The following MLLT10 variants were observed in gnomAD, a reference collection of about 807,000 sequenced individuals.
MLLT10 encodes MLLT10 histone lysine methyltransferase DOT1L cofactor, also known as protein AF-10.
A neutral mutation model predicts 129.1 loss-of-function variants in MLLT10; 30 were observed. The ratio of observed to expected loss-of-function variants is 0.23; its 90% CI spans 0.17 to 0.32. MLLT10 has a LOEUF of 0.32. Ranked by LOEUF, MLLT10 falls within the 10% of genes least tolerant of loss-of-function variation. MLLT10 has a pLI of 1.00. For missense variants in MLLT10, 1,119 were observed against 1,268.3 expected (o/e 0.88, Z 1.79); for synonymous variants, 490 against 446.4 (o/e 1.10, Z -1.23).
intron 9 of MLLT10, among the ~76,000 whole-genome samples, chr10:21,660,131 T>C (rs184654033): frequency 6.6e-6 from 1 of 151,976 alleles, no homozygotes; most frequent in African/African-American, 2.4e-5. Context: ...GCCCATCTAA[T>C]TTTTTCTTAT....
chr10:21,736,648 ATGGT>A (rs2058389927), intron 21 of MLLT10, among the ~76,000 whole-genome samples: 1 of 152,228 alleles, frequency 6.6e-6, no homozygotes, highest in Non-Finnish European at 1.5e-5. Flanking sequence ...AGAATTCTGA[ATGGT>A]TGGTTAGTGA....
intron 8 of MLLT10, among the ~76,000 whole-genome samples, chr10:21,633,167 A>G (rs931834863): frequency 2.6e-5 from 4 of 152,194 alleles, no homozygotes; most frequent in African/African-American, 9.7e-5. Flanking sequence ...ATCTGCATCA[A>G]GTTGATTTTA....
chr10:21,624,781 C>G, intron 8 of MLLT10: 2 of 1,090,684 alleles, frequency 1.8e-6, no homozygotes, highest in African/African-American at 1.6e-5. Flanking sequence ...TCTCTTGCGT[C>G]CTACATTGTC....
Position 21,697,554 on chromosome 10 carries a change from T to C in MLLT10, c.1699+15297T>C, listed in dbSNP as rs1022659776. Among the ~76,000 whole-genome samples the C allele has an allele frequency of 2.0e-5, 3 of 152,346 alleles. No homozygotes were observed. In the East Asian group the frequency reaches 5.8e-4, roughly 29 times the overall value. On this transcript the variant is annotated intron_variant, in intron 13 of 22. Coordinates refer to ENST00000307729, the MANE Select transcript of MLLT10 (RefSeq NM_001195626.3). ...TTAAAAATGATTGTGTTCAATTGTA[T>C]AGATCATGTCAAAAGAAGCAATACA...
chr10:21,544,768 G>C (rs2035803119), intron 3 of MLLT10, among the ~76,000 whole-genome samples: 1 of 152,140 alleles, frequency 6.6e-6, no homozygotes, highest in African/African-American at 2.4e-5. Flanking sequence ...ATAAATATTA[G>C]AGCAGTTGTA....
intron 8 of MLLT10, among the ~76,000 whole-genome samples, chr10:21,646,107 T>C (rs774341600): frequency 1.3e-5 from 2 of 152,128 alleles, no homozygotes; most frequent in Non-Finnish European, 2.9e-5. Flanking sequence ...TGGATGGCTG[T>C]AGGCATGATA....
At chr10:21,730,344 TTTC>T (rs1458981612) in intron 16 of MLLT10, among the ~76,000 whole-genome samples, 2 of 152,072 alleles carry the variant, frequency 1.3e-5, no homozygotes, top group Non-Finnish European at 2.9e-5. Flanking sequence ...TTTGATCTTA[TTTC>T]TTAATTGTGA....
intron 8 of MLLT10, among the ~76,000 whole-genome samples, chr10:21,619,537 T>C (rs2045599886): frequency 6.6e-6 from 1 of 152,226 alleles, no homozygotes; most frequent in Non-Finnish European, 1.5e-5. Context: ...TAAGAATTTT[T>C]TGTGGTGGTT....
intron 2 of MLLT10, 79 bp from the exon 3 acceptor site, chr10:21,538,754 A>T: frequency 9.9e-7 from 1 of 1,007,216 alleles, no homozygotes; most frequent in Non-Finnish European, 1.5e-6. Context: ...CAGGTGGATT[A>T]ATAGGGCTTT....
At chr10:21,740,341 A>C in intron 22 of MLLT10, 105 bp downstream of exon 22, 1 of 1,294,164 alleles carries the variant, frequency 7.7e-7, no homozygotes, top group Non-Finnish European at 1.1e-6. Context: ...ATTTCTTCTT[A>C]AAACCAGTTG....
intron 3 of MLLT10, among the ~76,000 whole-genome samples, chr10:21,545,080 G>A (rs970925831): frequency 1.3e-5 from 2 of 152,188 alleles, no homozygotes; most frequent in African/African-American, 4.8e-5. Flanking sequence ...GGGAGATGGA[G>A]GTTGTGGTGA....
chr10:21,652,240 C>T (rs2049120328), intron 9 of MLLT10, among the ~76,000 whole-genome samples: 2 of 152,096 alleles, frequency 1.3e-5, no homozygotes, highest in Admixed American at 1.3e-4. Context: ...CTTATTCTAC[C>T]TTCTGTTTAT....
chr10:21,635,341 A>G (rs927936974), intron 8 of MLLT10, among the ~76,000 whole-genome samples: 3 of 151,912 alleles, frequency 2.0e-5, no homozygotes, highest in African/African-American at 7.2e-5. Context: ...GTGTTATTCC[A>G]TGAGTTTTTA....
rs1366531278 is a variant in MLLT10 at position 21,740,025 on chromosome 10, C to T, written c.2956-5C>T. On this transcript the variant is annotated splice_region_variant and splice_polypyrimidine_tract_variant and intron_variant, in intron 21 of 22. Coordinates refer to ENST00000307729, the MANE Select transcript of MLLT10 (RefSeq NM_001195626.3). ...TCATTTTCTCTCACATGTTTTTTGC[C>T]TAAGGAACAACATCAAGCCTTTTTG... 6.3e-7 allele frequency: 1 copy of T among 1,589,632 alleles called. No individual in the cohort carries two copies. The highest frequency in any genetic ancestry group is 8.6e-7 in the Non-Finnish European group (1 of 1,166,528).
chr10:21,584,769 GTA>G (rs1427135369), intron 3 of MLLT10, among the ~76,000 whole-genome samples: 1 of 151,124 alleles, frequency 6.6e-6, no homozygotes, highest in African/African-American at 2.4e-5. Context: ...TATATATAAA[GTA>G]TGTGTGTATG....
chr10:21,598,085 G>T (rs1446021059), intron 5 of MLLT10, among the ~76,000 whole-genome samples: 1 of 152,130 alleles, frequency 6.6e-6, no homozygotes, highest in Non-Finnish European at 1.5e-5. Context: ...TTATGACTAG[G>T]ATTGATGGCA....
intron 5 of MLLT10, among the ~76,000 whole-genome samples, chr10:21,596,650 T>C (rs115901522): frequency 6.6e-6 from 1 of 151,578 alleles, no homozygotes; most frequent in Non-Finnish European, 1.5e-5. Flanking sequence ...AAAAAAAAAA[T>C]ATTAAAATGT....
At chr10:21,644,029 T>C (rs2048256527) in intron 8 of MLLT10, among the ~76,000 whole-genome samples, 1 of 152,200 alleles carries the variant, frequency 6.6e-6, no homozygotes, top group Non-Finnish European at 1.5e-5. Flanking sequence ...GCTGTTTCTA[T>C]TTTGTTTACT....
At chr10:21,638,263 G>GGGGGGGGGGGGGGGGGGGA (rs2047645677) in intron 8 of MLLT10, among the ~76,000 whole-genome samples, 1 of 105,958 alleles carries the variant, frequency 9.4e-6, no homozygotes, top group African/African-American at 3.7e-5. Flanking sequence ...TTGGTGGGGG[G>GGGGGGGGGGGGGGGGGGGA]AGGGGGGCGG....
Sources: allele counts gnomAD v4.1 joint callset (sites outside exome capture counted in the v4.1 genomes callset), GRCh38; gene constraint gnomAD v4.1.1; transcripts MANE v1.5; gene names NCBI Gene and HGNC (gene_info 2026-07-23, HGNC 2026-07-21).